Variants in PAM observed in about 807,000 individuals in gnomAD.
PAM encodes peptidyl-glycine alpha-amidating monooxygenase.
Under a neutral mutation model 122.1 loss-of-function variants are expected in PAM, and 72 were observed. The observed-to-expected ratio is 0.59, with a 90% CI of 0.49 to 0.72. The LOEUF is 0.72. PAM is among the 30% of genes least tolerant of loss of function. The probability of loss-of-function intolerance (pLI) is 0.00; values close to 1 mark genes in which losing one functional copy is unlikely to be tolerated. For missense variants in PAM, 1,106 were observed against 1,183.7 expected, an observed-to-expected ratio of 0.93 and a Z score of 0.96; for synonymous variants, 389 against 404.4, an observed-to-expected ratio of 0.96 and a Z score of 0.46.
intron 18 of PAM, 66 bp downstream of exon 18, chr5:103,005,292 A>G (rs1254794637): frequency 1.5e-5 from 13 of 881,396 alleles, no homozygotes; most frequent in Non-Finnish European, 2.3e-5. Context: ...AGAGCTCTGG[A>G]GTTGTATGGG....
rs768032395 is a variant in PAM, at chr5:102,925,010, C to G, written c.410C>G (p.Ala137Gly). The change falls in exon 6 of 26, where the codon GCG becomes GGG. Residue 137 changes from alanine to glycine, a missense_variant. Ala to Gly is a moderately conservative substitution (Grantham distance 60). Coordinates refer to ENST00000438793, the MANE Select transcript of PAM (RefSeq NM_001177306.2). ...AAAGCCAATATTCTGTATGCCTGGG[C>G]GAGAAATGCTCCCCCTACCCGGCTC... ...TDKANILYAW[A>G]RNAPPTRLPK... is the part of the protein sequence containing the mutation. 1.3e-6 allele frequency: 2 copies of G among 1,590,290 alleles called. No individual in the cohort carries two copies. The highest frequency in any genetic ancestry group is 3.3e-5 in the Admixed American group (2 of 59,994).
At chr5:102,881,372 TA>T (rs1450259107) in intron 3 of PAM, among the ~76,000 whole-genome samples, 9 of 152,010 alleles carry the variant, frequency 5.9e-5, no homozygotes, top group African/African-American at 1.7e-4. Flanking sequence ...AAAAAGTTAC[TA>T]TTTTTTTTTA....
chr5:103,028,292 C>T (rs376845847), intron 25 of PAM, 54 bp downstream of exon 25: 31 of 1,238,320 alleles, frequency 2.5e-5, no homozygotes, highest in Non-Finnish European at 3.6e-5. Context: ...TCAACAAGCA[C>T]ATGTCTTTTA....
At chr5:102,980,940 T>C (rs895559383) in intron 15 of PAM, among the ~76,000 whole-genome samples, 6 of 152,202 alleles carry the variant, frequency 3.9e-5, no homozygotes, top group Non-Finnish European at 7.4e-5. Flanking sequence ...TTCATACATT[T>C]TTTTACACAT....
chr5:102,854,617 A>T (rs1406793259), intron 1 of PAM, among the ~76,000 whole-genome samples: 1 of 151,950 alleles, frequency 6.6e-6, no homozygotes, highest in African/African-American at 2.4e-5. Context: ...CTCATTTTCC[A>T]TTCCAGGGTG....
At chr5:102,798,748 A>AT (rs911462828) in intron 1 of PAM, among the ~76,000 whole-genome samples, 10 of 152,282 alleles carry the variant, frequency 6.6e-5, no homozygotes, top group East Asian at 1.9e-4. Context: ...ATAGGAATAC[A>AT]TTTTTTTCTG....
In PAM at chr5:103,003,087, A is replaced by C; in HGVS notation, c.1668A>C (p.Glu556Asp). The stretch of plus-strand genomic sequence containing the variant: ...AAATAGGACTCGGACCAATTGAAGA[A>C]GACACTATTCTTGTCATAGATCCAA... ...YQQIGLGPIE[E>D]DTILVIDPNN... The change falls in exon 17 of 26, where the codon GAA (glutamate) becomes GAC (aspartate). Residue 556 changes from glutamate (E) to aspartate (D), a missense_variant. This residue lies in a region of PAM where 670 missense variants were observed against 690.3 expected (regional missense o/e 0.97). Transcript: ENST00000438793. 1 of 1,609,614 alleles carries C rather than the reference A, an allele frequency of 6.2e-7. No homozygotes were observed. The highest frequency in any genetic ancestry group is 8.5e-7 in the Non-Finnish European group (1 of 1,176,022).
intron 1 of PAM, among the ~76,000 whole-genome samples, chr5:102,789,995 C>G (rs1423359119): frequency 6.6e-6 from 1 of 151,926 alleles, no homozygotes; most frequent in Non-Finnish European, 1.5e-5. Flanking sequence ...TGTATGTGAT[C>G]TGGGGAATGA....
At chr5:102,850,899 A>T (rs1444266087) in intron 1 of PAM, among the ~76,000 whole-genome samples, 1 of 152,246 alleles carries the variant, frequency 6.6e-6, no homozygotes, top group Non-Finnish European at 1.5e-5. Context: ...GTAACTACTG[A>T]CTACCATTTG....
intron 15 of PAM, chr5:102,987,718 A>G (rs555460838): frequency 4.0e-5 from 14 of 349,998 alleles, no homozygotes; most frequent in South Asian, 2.9e-4. Flanking sequence ...GCCATTTGCA[A>G]TTGTTCTCCC....
chr5:102,964,474 A>C lies in PAM; in HGVS notation c.1162+3245A>C, dbSNP rs183180510. On this transcript the variant is annotated intron_variant, in intron 14 of 25. Transcript: ENST00000438793. Reference sequence around the variant, plus strand: ...ACAGAGACACCACAAAAGCATCATTATATGACAGTTTTACTTATCATGTTG... The same window carrying C: ...ACAGAGACACCACAAAAGCATCATTCTATGACAGTTTTACTTATCATGTTG... 3.6e-3 allele frequency among the ~76,000 whole-genome samples: 551 copies of C among 152,024 alleles called. 1 individual carries two copies. Among genetic ancestry groups the C allele is most frequent in the African/African-American group, 0.013 (531 of 41,532 alleles).
intron 1 of PAM, among the ~76,000 whole-genome samples, chr5:102,812,213 C>T (rs779002669): frequency 2.6e-5 from 4 of 152,090 alleles, no homozygotes; most frequent in South Asian, 2.1e-4. Flanking sequence ...ACAATATATA[C>T]ATTAATCAAT....
intron 1 of PAM, among the ~76,000 whole-genome samples, chr5:102,792,396 C>G (rs1231350915): frequency 6.6e-6 from 1 of 152,182 alleles, no homozygotes; most frequent in Non-Finnish European, 1.5e-5. Context: ...AAACATTTAC[C>G]ATGTTCCAGG....
chr5:102,957,996 CCATTTATG>C (rs1761328266), intron 12 of PAM, among the ~76,000 whole-genome samples: 1 of 152,146 alleles, frequency 6.6e-6, no homozygotes, highest in Non-Finnish European at 1.5e-5. Flanking sequence ...TAAACAATTT[CCATTTATG>C]CAACAGAGAA....
intron 3 of PAM, among the ~76,000 whole-genome samples, chr5:102,870,172 A>G (rs1262364620): frequency 1.3e-5 from 2 of 152,068 alleles, no homozygotes; most frequent in African/African-American, 4.8e-5. Context: ...GAAGAACTTG[A>G]GTTGGGAATT....
intron 1 of PAM, among the ~76,000 whole-genome samples, chr5:102,829,816 G>A (rs1478151127): frequency 6.6e-6 from 1 of 151,838 alleles, no homozygotes; most frequent in Admixed American, 6.6e-5. Flanking sequence ...ATCTTTCTGG[G>A]CCCTAGAATC....
intron 7 of PAM, among the ~76,000 whole-genome samples, chr5:102,935,373 G>A (rs1053982179): frequency 1.3e-5 from 2 of 152,026 alleles, no homozygotes; most frequent in Non-Finnish European, 2.9e-5. Flanking sequence ...TTCTAAGGCA[G>A]CACATGTAAA....
At chr5:102,764,820 A>G (rs1001382124) in intron 1 of PAM, among the ~76,000 whole-genome samples, 1 of 152,116 alleles carries the variant, frequency 6.6e-6, no homozygotes, top group African/African-American at 2.4e-5. Flanking sequence ...CTGTCTTGTC[A>G]ATGACAATCC....
intron 1 of PAM, among the ~76,000 whole-genome samples, chr5:102,797,855 T>C (rs180881882): frequency 1.3e-5 from 2 of 152,274 alleles, no homozygotes; most frequent in Admixed American, 6.5e-5. Context: ...CTACTACTAC[T>C]ACTAATAATA....
Sources: gnomAD v4.1 joint callset for allele counts (sites outside exome capture counted in the v4.1 genomes callset) on GRCh38, gnomAD v4.1.1 for gene constraint, gnomAD v4.1.1 regional missense constraint, MANE v1.5 for transcripts, NCBI Gene and HGNC (gene_info 2026-07-23, HGNC 2026-07-21) for gene names.